Variants in TJP1 observed in about 807,000 individuals in gnomAD.
TJP1 encodes tight junction protein 1.
A neutral mutation model predicts 194.2 loss-of-function variants in TJP1; 43 were observed. The observed-to-expected ratio is 0.22, with a 90% CI of 0.17 to 0.29. TJP1 has a LOEUF of 0.29. Among genes scored for constraint, TJP1 ranks in the 10% least tolerant of loss-of-function variants. The pLI is 1.00. For missense variants in TJP1, 1,971 were observed against 2,185.7 expected (o/e 0.90, Z 1.96); for synonymous variants, 801 against 779.0 (o/e 1.03, Z -0.47).
At chr15:29,845,395 T>C (rs953742832) in intron 2 of TJP1, among the ~76,000 whole-genome samples, 1 of 152,028 alleles carries the variant, frequency 6.6e-6, no homozygotes, top group Non-Finnish European at 1.5e-5. Flanking sequence ...CAAAAGGAAA[T>C]ACGAAACCTC....
intron 1 of TJP1, among the ~76,000 whole-genome samples, chr15:29,816,728 T>A (rs1009177962): frequency 6.6e-6 from 1 of 152,192 alleles, no homozygotes; most frequent in African/African-American, 2.4e-5. Flanking sequence ...TTTTGTTCAT[T>A]AGCTTGGCCA....
At chr15:29,846,748 A>G (rs954257079) in intron 2 of TJP1, among the ~76,000 whole-genome samples, 5 of 152,016 alleles carry the variant, frequency 3.3e-5, no homozygotes, top group Non-Finnish European at 5.9e-5. Flanking sequence ...ACATGGTGCA[A>G]CCCCATCTCT....
chr15:29,716,761 T>C lies in TJP1; in HGVS notation c.4052A>G (p.Asp1351Gly), dbSNP rs1288701809. The change falls in exon 23 of 28, where the codon GAT (aspartate) becomes GGT (glycine). Residue 1351 changes from aspartate (D) to glycine (G), a missense_variant. Asp to Gly is a moderately conservative substitution (Grantham distance 94). Transcript: ENST00000614355. Reference sequence around the variant, plus strand: ...CAGCTGTTTTCGATAATATTCTTCATCTTCTTCAGGGTCATAATGATTGGA... The same window carrying C: ...CAGCTGTTTTCGATAATATTCTTCACCTTCTTCAGGGTCATAATGATTGGA... ...VRSNHYDPEE[D>G]EEYYRKQLSY... 1.2e-6 allele frequency: 2 copies of C among 1,614,178 alleles called. No homozygotes were observed. The highest frequency in any genetic ancestry group is 1.1e-5 in the South Asian group (1 of 91,090).
chr15:29,761,498 T>C (rs1259603032), intron 7 of TJP1, 103 bp downstream of exon 7: 5 of 1,426,080 alleles, frequency 3.5e-6, no homozygotes, highest in Non-Finnish European at 4.7e-6. Context: ...TGAAGGTGTT[T>C]GGCTGGTAGA....
At chr15:29,917,840 T>A (rs1456876452) in intron 2 of TJP1, among the ~76,000 whole-genome samples, 1 of 152,184 alleles carries the variant, frequency 6.6e-6, no homozygotes, top group Non-Finnish European at 1.5e-5. Flanking sequence ...ACACATAACA[T>A]AAAATTTACC....
intron 27 of TJP1, among the ~76,000 whole-genome samples, chr15:29,702,092 CT>C (rs200847680): frequency 0.11 from 15,384 of 145,764 alleles, 831 homozygotes; most frequent in South Asian, 0.22. Context: ...ATCAGTAGCA[CT>C]TTTTTTTTTT....
Position 29,734,293 on chromosome 15 carries a change from C to T in TJP1, c.1497G>A (p.Leu499=). 3 of 1,609,682 alleles carry T rather than the reference C, an allele frequency of 1.9e-6. No individual in the cohort carries two copies. The highest frequency in any genetic ancestry group is 2.5e-6 in the Non-Finnish European group (3 of 1,178,434). Residue 499 remains leucine (L), a synonymous_variant, in exon 12 of 28, where the codon TTG becomes TTA. Coordinates refer to ENST00000614355, the MANE Select transcript of TJP1 (RefSeq NM_001330239.4). ...TCTCACCATCCTTCTTCTTCTGAGCCAATATGGTCACTTCTTCTCCTTTAG... is the reference window on the plus strand; with the variant it reads ...TCTCACCATCCTTCTTCTTCTGAGCTAATATGGTCACTTCTTCTCCTTTAG... ...DLPKGEEVTI[L]AQKKKDVYRR...
In TJP1 at chr15:29,720,724, G is replaced by A; in HGVS notation, c.2413-16C>T. 6.4e-7 allele frequency: 1 copy of A among 1,554,662 alleles called. No homozygotes were observed. Among genetic ancestry groups the A allele is most frequent in the South Asian group, 1.2e-5 (1 of 82,044 alleles). ...CACCATCCGCCTGGGTCAAATAAAAGTAAATTACAAATTTTATTCAGTAGT... is the reference window on the plus strand; with the variant it reads ...CACCATCCGCCTGGGTCAAATAAAAATAAATTACAAATTTTATTCAGTAGT... On this transcript the variant is annotated splice_polypyrimidine_tract_variant and intron_variant, in intron 18 of 27. Coordinates refer to ENST00000614355, the MANE Select transcript of TJP1 (RefSeq NM_001330239.4).
In TJP1 at chr15:29,949,503, C is replaced by CTT. The variant is rs1379005727; in HGVS notation, c.306+6728_306+6729insAA. 5.5e-3 allele frequency among the ~76,000 whole-genome samples: 741 copies of CTT among 133,984 alleles called. 21 individuals carry two copies. The highest frequency in any genetic ancestry group is 8.3e-3 in the Non-Finnish European group (512 of 61,408). 87.9% of individuals were successfully genotyped at this position (133,984 alleles called of 152,430 possible). A position where few individuals can be genotyped will look rare whatever the true frequency, so the allele number is the denominator to read the frequency against. On this transcript the variant is annotated intron_variant, in intron 2 of 28. Transcript: ENST00000356107. ...ACAACCACCACCTCCACCTCCACAA[C>CTT]CACCACCTCCACCTCCACCACCACC... is the stretch of plus-strand genomic sequence containing the variant.
intron 4 of TJP1, among the ~76,000 whole-genome samples, chr15:29,769,712 G>A (rs905003402): frequency 6.6e-6 from 1 of 152,180 alleles, no homozygotes; most frequent in Non-Finnish European, 1.5e-5. Context: ...GGGTCATAAT[G>A]TCGTGGGTGC....
intron 8 of TJP1, among the ~76,000 whole-genome samples, chr15:29,756,873 A>G (rs1163050998): frequency 1.3e-5 from 2 of 152,222 alleles, no homozygotes; most frequent in Admixed American, 1.3e-4. Context: ...AGTTTGCTTA[A>G]CTATATAGAA....
intron 5 of TJP1, among the ~76,000 whole-genome samples, chr15:29,764,548 CAG>C (rs533422758): frequency 1.6e-3 from 249 of 152,194 alleles, no homozygotes; most frequent in African/African-American, 5.5e-3. Flanking sequence ...TAAGAGATGA[CAG>C]TGGCTTGGAA....
chr15:29,752,956 C>G (rs2151452200), intron 8 of TJP1, among the ~76,000 whole-genome samples: 1 of 152,178 alleles, frequency 6.6e-6, no homozygotes, highest in Admixed American at 6.5e-5. Context: ...CCAGAATGAC[C>G]TTCACCTGCC....
intron 1 of TJP1, among the ~76,000 whole-genome samples, chr15:29,818,775 C>G (rs2050118319): frequency 6.7e-6 from 1 of 149,426 alleles, no homozygotes; most frequent in Non-Finnish European, 1.5e-5. Flanking sequence ...CCTGGCCTCA[C>G]AAAGTGCTGG....
rs35230608 is a variant in TJP1, at chr15:29,845,612, G to C, written c.307-44910C>G. Reference sequence around the variant, plus strand: ...CGAGGGCAAGAGATCGAGACCATCTGGCCAACATGGTGAAACCCCATCTCT... The same window carrying C: ...CGAGGGCAAGAGATCGAGACCATCTCGCCAACATGGTGAAACCCCATCTCT... On this transcript the variant is annotated intron_variant, in intron 2 of 28. Transcript: ENST00000356107. 7.9e-3 allele frequency among the ~76,000 whole-genome samples: 1,204 copies of C among 152,194 alleles called. 7 individuals carry two copies. The highest frequency in any genetic ancestry group is 0.013 in the Non-Finnish European group (859 of 68,000).
chr15:29,699,639 C>T (rs1217363969), downstream of TJP1: 2 of 152,130 alleles, frequency 1.3e-5, no homozygotes, highest in African/African-American at 2.4e-5. Flanking sequence ...GGATTCAGTC[C>T]ACAAAGGTGT....
At chr15:29,799,682 T>C (rs2151877488) in intron 2 of TJP1, among the ~76,000 whole-genome samples, 1 of 152,300 alleles carries the variant, frequency 6.6e-6, no homozygotes, top group Admixed American at 6.5e-5. Flanking sequence ...CCCAAAGTGC[T>C]GGGATTACAG....
intron 20 of TJP1, among the ~76,000 whole-genome samples, chr15:29,719,521 TCTGGAAGATA>T (rs975001755): frequency 2.0e-5 from 3 of 152,148 alleles, no homozygotes; most frequent in Non-Finnish European, 2.9e-5. Context: ...ATTAAGGAAT[TCTGGAAGATA>T]CTGAAAGCCA....
At chr15:29,968,342 A>G in intron 1 of TJP1, 4 of 985,410 alleles carry the variant, frequency 4.1e-6, no homozygotes, top group Non-Finnish European at 4.8e-6. Context: ...GTAATGGAGC[A>G]GAAAGGACAG....
Sources: gnomAD v4.1 joint callset for allele counts (sites outside exome capture counted in the v4.1 genomes callset) on GRCh38, gnomAD v4.1.1 for gene constraint, MANE v1.5 for transcripts, NCBI Gene and HGNC (gene_info 2026-07-23, HGNC 2026-07-21) for gene names.